HCN1: variants seen among roughly 807,000 people sequenced by gnomAD.
The protein encoded by HCN1 is hyperpolarization activated cyclic nucleotide gated potassium channel 1, also known as potassium/sodium hyperpolarization-activated cyclic nucleotide-gated channel 1.
In HCN1, 13 loss-of-function variants were observed where a neutral mutation model predicts 78.9. The observed-to-expected ratio is 0.16, with a 90% confidence interval of 0.11 to 0.26. The LOEUF (loss-of-function observed/expected upper bound fraction) is 0.26, where lower values mean the gene tolerates loss of function less well. HCN1 is among the 10% of genes least tolerant of loss of function. The pLI is 1.00. For missense variants in HCN1, 810 were observed against 1,154.3 expected, an observed-to-expected ratio of 0.70 and a Z score of 4.32; for synonymous variants, 552 against 455.5, an observed-to-expected ratio of 1.21 and a Z score of -2.70.
intron 2 of HCN1, among the ~76,000 whole-genome samples, chr5:45,566,602 T>C (rs889794185): frequency 6.6e-6 from 1 of 151,992 alleles, no homozygotes; most frequent in Non-Finnish European, 1.5e-5. Context: ...CAAATGGAAA[T>C]TGATAGTAAT....
Position 45,335,712 on chromosome 5 carries a change from C to A in HCN1, c.1377+17388G>T, listed in dbSNP as rs116666419. On this transcript the variant is annotated intron_variant, in intron 5 of 7. Coordinates refer to ENST00000303230, the MANE Select transcript of HCN1 (RefSeq NM_021072.4). Reference sequence around the variant, plus strand: ...TTGTAGTAACATTAAGAGTTAAATTCTACTGTGTACTTACTATGTGCCAGG... The same window carrying A: ...TTGTAGTAACATTAAGAGTTAAATTATACTGTGTACTTACTATGTGCCAGG... Among the ~76,000 whole-genome samples the A allele has an allele frequency of 5.3e-5, 8 of 152,180 alleles. No homozygotes were observed. In the East Asian group the frequency reaches 9.7e-4, roughly 18 times the overall value.
At chr5:45,363,143 TAC>T (rs202188356) in intron 4 of HCN1, among the ~76,000 whole-genome samples, 8 of 92,042 alleles carry the variant, frequency 8.7e-5, no homozygotes, top group South Asian at 4.4e-4. Flanking sequence ...TATATATATA[TAC>T]ATATATATAT....
intron 6 of HCN1, among the ~76,000 whole-genome samples, chr5:45,289,653 T>G (rs762741503): frequency 5.9e-5 from 9 of 151,974 alleles, no homozygotes; most frequent in Non-Finnish European, 8.8e-5. Context: ...AAAAGTCAAA[T>G]GGGAGGCTGG....
At position 45,572,768 on chromosome 5, in the gene HCN1, A is replaced by T. The variant is rs562683987; in HGVS notation, c.849+72417T>A. Among the ~76,000 whole-genome samples, 287 of 152,306 alleles carry T rather than the reference A, an allele frequency of 1.9e-3. 1 individual carries two copies. The highest frequency in any genetic ancestry group is 6.9e-3 in the African/African-American group (285 of 41,576). ...AGCACGTACTGGCACCAATTTAGCT[A>T]TTGAGGATACAGCACTGAACACAAG... On this transcript the variant is annotated intron_variant, in intron 2 of 7. Transcript: ENST00000303230.
intron 2 of HCN1, chr5:45,575,034 A>C (rs2111909391): frequency 6.6e-6 from 1 of 152,322 alleles, no homozygotes; most frequent in South Asian, 2.1e-4. Context: ...GCAACTGGTA[A>C]GGTAGAAGCT....
intron 2 of HCN1, among the ~76,000 whole-genome samples, chr5:45,548,456 A>T (rs1232526819): frequency 6.6e-6 from 1 of 152,086 alleles, no homozygotes; most frequent in Non-Finnish European, 1.5e-5. Context: ...CCTTCATGCT[A>T]AAAACTCTCA....
chr5:45,479,365 G>A (rs1400571906), intron 2 of HCN1, among the ~76,000 whole-genome samples: 1 of 152,100 alleles, frequency 6.6e-6, no homozygotes, highest in Non-Finnish European at 1.5e-5. Flanking sequence ...TTATCTCATG[G>A]GTTTTGAATA....
chr5:45,331,347 C>G (rs1403123210), intron 5 of HCN1, among the ~76,000 whole-genome samples: 1 of 151,204 alleles, frequency 6.6e-6, no homozygotes, highest in Non-Finnish European at 1.5e-5. Context: ...GGAACAGACA[C>G]TAGGCTAGTC....
chr5:45,334,650 C>T (rs758029997), intron 5 of HCN1, among the ~76,000 whole-genome samples: 4 of 151,952 alleles, frequency 2.6e-5, no homozygotes, highest in African/African-American at 9.7e-5. Flanking sequence ...GTCTCACACA[C>T]ATTAAGCAAT....
intron 2 of HCN1, among the ~76,000 whole-genome samples, chr5:45,546,286 A>T (rs1305152785): frequency 6.6e-6 from 1 of 151,920 alleles, no homozygotes; most frequent in Non-Finnish European, 1.5e-5. Flanking sequence ...AATTTTCCTC[A>T]ATACTTTCTT....
At chr5:45,493,148 C>A (rs1386103199) in intron 2 of HCN1, among the ~76,000 whole-genome samples, 1 of 151,986 alleles carries the variant, frequency 6.6e-6, no homozygotes, top group Non-Finnish European at 1.5e-5. Flanking sequence ...GTCTCAAAAA[C>A]TACTGAGTTT....
chr5:45,659,044 A>C (rs1311927511), intron 1 of HCN1, among the ~76,000 whole-genome samples: 1 of 151,886 alleles, frequency 6.6e-6, no homozygotes, highest in Non-Finnish European at 1.5e-5. Context: ...CTGCAGACTT[A>C]AGTGTCCCTG....
intron 2 of HCN1, among the ~76,000 whole-genome samples, chr5:45,628,423 T>C (rs1262612680): frequency 6.6e-6 from 1 of 151,966 alleles, no homozygotes; most frequent in Non-Finnish European, 1.5e-5. Context: ...CTTAAAAAAA[T>C]CACAAAGGAA....
chr5:45,663,796 A>T (rs1452057349), intron 1 of HCN1, among the ~76,000 whole-genome samples: 1 of 150,874 alleles, frequency 6.6e-6, no homozygotes, highest in African/African-American at 2.4e-5. Flanking sequence ...ATCATTAAAA[A>T]GTCAGGAAAC....
At chr5:45,339,660 C>T (rs1746534520) in intron 5 of HCN1, among the ~76,000 whole-genome samples, 1 of 152,074 alleles carries the variant, frequency 6.6e-6, no homozygotes, top group Non-Finnish European at 1.5e-5. Context: ...TAATGGAATG[C>T]ATTTTAGCTA....
intron 1 of HCN1, among the ~76,000 whole-genome samples, chr5:45,687,424 A>T (rs1739830436): frequency 2.0e-5 from 3 of 151,928 alleles, no homozygotes. Flanking sequence ...GTTTTGCTAT[A>T]TTTTCTTATA....
At chr5:45,373,673 C>G (rs1747495509) in intron 4 of HCN1, among the ~76,000 whole-genome samples, 1 of 122,284 alleles carries the variant, frequency 8.2e-6, no homozygotes, top group Non-Finnish European at 1.6e-5. Flanking sequence ...GTATATACGT[C>G]ATCTATAATA....
intron 2 of HCN1, among the ~76,000 whole-genome samples, chr5:45,484,941 C>T (rs554902782): frequency 1.3e-5 from 2 of 152,014 alleles, no homozygotes; most frequent in African/African-American, 2.4e-5. Flanking sequence ...CTCTGAAGGC[C>T]GGAACACCTG....
intron 2 of HCN1, among the ~76,000 whole-genome samples, chr5:45,479,123 T>TA (rs1240857625): frequency 1.4e-5 from 2 of 146,532 alleles, no homozygotes; most frequent in African/African-American, 5.4e-5. Flanking sequence ...CGAGACTGTT[T>TA]TAAAAAAAAA....
Sources: allele counts gnomAD v4.1 joint callset (sites outside exome capture counted in the v4.1 genomes callset), GRCh38; gene constraint gnomAD v4.1.1; transcripts MANE v1.5; gene names NCBI Gene and HGNC (gene_info 2026-07-23, HGNC 2026-07-21).